BTLA: variants seen among roughly 807,000 people sequenced by gnomAD.
BTLA encodes B- and T-lymphocyte attenuator.
BTLA carries 11 observed loss-of-function variants against 25.0 expected under a neutral mutation model. The observed-to-expected ratio is 0.44, with a 90% CI of 0.28 to 0.73. The LOEUF is 0.73. Among genes scored for constraint, BTLA ranks in the 30% least tolerant of loss-of-function variants. The pLI is 0.15. For missense variants in BTLA, 282 were observed against 332.8 expected (o/e 0.85, Z 1.19); for synonymous variants, 104 against 119.8 (o/e 0.87, Z 0.86).
At chr3:112,496,523 A>G (rs1576695292) in intron 1 of BTLA, among the ~76,000 whole-genome samples, 3 of 152,316 alleles carry the variant, frequency 2.0e-5, no homozygotes, top group African/African-American at 4.8e-5. Context: ...TTCAAAGGCT[A>G]TCTTTAAACA....
chr3:112,490,876 A>G (rs2082376630), intron 1 of BTLA, among the ~76,000 whole-genome samples: 1 of 152,158 alleles, frequency 6.6e-6, no homozygotes, highest in South Asian at 2.1e-4. Context: ...TTACTTTCAT[A>G]TGGTATTAGC....
At chr3:112,477,330 T>C (rs1215665614) in intron 2 of BTLA, among the ~76,000 whole-genome samples, 3 of 148,014 alleles carry the variant, frequency 2.0e-5, no homozygotes, top group African/African-American at 5.0e-5. Flanking sequence ...TTTCTTCACA[T>C]CCTTGCTAAC....
chr3:112,488,869 C>T (rs778612601), intron 1 of BTLA, among the ~76,000 whole-genome samples: 5 of 152,108 alleles, frequency 3.3e-5, no homozygotes, highest in Non-Finnish European at 5.9e-5. Flanking sequence ...GCCTTGGCCT[C>T]CCAAAGTGCT....
At chr3:112,469,226 G>A (rs1052900482) in intron 4 of BTLA, among the ~76,000 whole-genome samples, 1 of 152,020 alleles carries the variant, frequency 6.6e-6, no homozygotes, top group Admixed American at 6.6e-5. Context: ...TCCCTTCCTT[G>A]ATGAGCCCAT....
Position 112,499,284 on chromosome 3 carries a change from G to A in BTLA, c.75C>T (p.Ile25=). 1 of 1,606,316 alleles carries A rather than the reference G, an allele frequency of 6.2e-7. No homozygotes were observed. The highest frequency in any genetic ancestry group is 8.5e-7 in the Non-Finnish European group (1 of 1,173,004). ...WVFFLIPYLD[I]WNIHGKESCD... is the part of the protein sequence containing the mutation. ...CAGGTGCCTTACCATGGATGTTCCA[G>A]ATGTCCAGATATGGGATTAAGAAGA... is the stretch of plus-strand genomic sequence containing the variant. Residue 25 remains isoleucine, a synonymous_variant, in exon 1 of 5, where the codon ATC becomes ATT. Coordinates refer to ENST00000334529, the MANE Select transcript of BTLA (RefSeq NM_181780.4).
intron 1 of BTLA, among the ~76,000 whole-genome samples, chr3:112,480,598 A>G (rs1481187240): frequency 6.6e-6 from 1 of 152,216 alleles, no homozygotes; most frequent in Non-Finnish European, 1.5e-5. Flanking sequence ...GGAGCACACA[A>G]GACAGAGAAA....
At chr3:112,490,363 T>G (rs2082373109) in intron 1 of BTLA, among the ~76,000 whole-genome samples, 1 of 152,178 alleles carries the variant, frequency 6.6e-6, no homozygotes, top group African/African-American at 2.4e-5. Context: ...ATTGTTACTT[T>G]AAGGAAAACC....
chr3:112,468,972 AT>A (rs2082245243), intron 4 of BTLA, among the ~76,000 whole-genome samples: 1 of 152,208 alleles, frequency 6.6e-6, no homozygotes, highest in African/African-American at 2.4e-5. Flanking sequence ...CTACTTCTTT[AT>A]CACTATTCCT....
At position 112,471,307 on chromosome 3, in the gene BTLA, C is replaced by G; in HGVS notation, c.452G>C (p.Arg151Thr). 1 of 1,614,046 alleles carries G rather than the reference C, an allele frequency of 6.2e-7. No homozygotes were observed. The highest frequency in any genetic ancestry group is 1.1e-5 in the South Asian group (1 of 91,072). ...ERPSKDEMAS[R>T]PWLLYRLLPL... ...AAGTAAACGATACAGGAGCCAGGGT[C>G]TGCTTGCCATTTCGTCCTTGGAGGG... is the stretch of plus-strand genomic sequence containing the variant. Residue 151 changes from arginine to threonine, a missense_variant, in exon 3 of 5, where the codon AGA (arginine) becomes ACA (threonine). Around this residue, in one of 2 missense-constraint regions of BTLA, gnomAD observed 163 missense variants for 230.4 expected, o/e 0.71. Coordinates refer to ENST00000334529, the MANE Select transcript of BTLA (RefSeq NM_181780.4).
rs554849624 is a variant in BTLA at position 112,465,463 on chromosome 3, C to G, written c.*645G>C. 6.5e-6 allele frequency: 1 copy of G among 152,750 alleles called. No individual in the cohort carries two copies. Among genetic ancestry groups the G allele is most frequent in the Admixed American group, 6.5e-5 (1 of 15,304 alleles). 9.5% of individuals were successfully genotyped at this position (152,750 alleles called of 1,614,324 possible). A position where few individuals can be genotyped will look rare whatever the true frequency, so the allele number is the denominator to read the frequency against. On this transcript the variant is annotated 3_prime_UTR_variant, in exon 5 of 5. Transcript: ENST00000334529. ...TTAATACCTATATTTGCTTATCAAT[C>G]TAACAGAGTAGATATAAGCATTTGT...
intron 4 of BTLA, among the ~76,000 whole-genome samples, chr3:112,467,364 T>G (rs2082235885): frequency 6.6e-6 from 1 of 152,212 alleles, no homozygotes; most frequent in East Asian, 1.9e-4. Context: ...GTTTTCTCAC[T>G]CTTCAGTTAT....
At chr3:112,491,118 T>C (rs1235296949) in intron 1 of BTLA, among the ~76,000 whole-genome samples, 2 of 152,216 alleles carry the variant, frequency 1.3e-5, no homozygotes, top group East Asian at 3.8e-4. Flanking sequence ...TTAGCAAAGC[T>C]TACAAAGTCC....
chr3:112,464,118 A>G lies in BTLA; in HGVS notation c.*1990T>C. 2 of 398,060 alleles carry G rather than the reference A, an allele frequency of 5.0e-6. No homozygotes were observed. Among genetic ancestry groups the G allele is most frequent in the Non-Finnish European group, 8.9e-6 (2 of 225,726 alleles). 24.7% of individuals were successfully genotyped at this position (398,060 alleles called of 1,614,324 possible). The stretch of plus-strand genomic sequence containing the variant: ...AGCCATGTAAATAATAGTGAAGTAG[A>G]GTCATTTGGGAAAATGCATGTATGT... On this transcript the variant is annotated 3_prime_UTR_variant, in exon 5 of 5. Coordinates refer to ENST00000334529, the MANE Select transcript of BTLA (RefSeq NM_181780.4).
chr3:112,481,298 G>A (rs2082316741), intron 1 of BTLA, among the ~76,000 whole-genome samples: 1 of 152,158 alleles, frequency 6.6e-6, no homozygotes, highest in Non-Finnish European at 1.5e-5. Flanking sequence ...ACTCTTCCTG[G>A]GCCCTCAGGC....
intron 1 of BTLA, among the ~76,000 whole-genome samples, chr3:112,492,461 CA>C (rs1249096574): frequency 6.6e-6 from 1 of 152,214 alleles, no homozygotes; most frequent in Non-Finnish European, 1.5e-5. Flanking sequence ...GGCATTTGAT[CA>C]GAAACCAACA....
intron 1 of BTLA, among the ~76,000 whole-genome samples, chr3:112,490,101 A>G (rs1159018552): frequency 1.3e-5 from 2 of 152,190 alleles, no homozygotes; most frequent in African/African-American, 2.4e-5. Flanking sequence ...ATCATAAACT[A>G]GCTCACATAC....
chr3:112,492,015 G>GA (rs1387365015), intron 1 of BTLA, among the ~76,000 whole-genome samples: 15 of 152,134 alleles, frequency 9.9e-5, no homozygotes, highest in African/African-American at 3.6e-4. Context: ...CTAGAATATT[G>GA]AAAAAAACTT....
intron 2 of BTLA, among the ~76,000 whole-genome samples, chr3:112,473,623 T>TC (rs529685170): frequency 0.04 from 5,852 of 144,888 alleles, 173 homozygotes; most frequent in Non-Finnish European, 0.06. Flanking sequence ...TTTTTTTTTT[T>TC]TTTTTTTTTG....
chr3:112,494,327 A>G, intron 1 of BTLA, among the ~76,000 whole-genome samples: 1 of 152,174 alleles, frequency 6.6e-6, no homozygotes, highest in Non-Finnish European at 1.5e-5. Flanking sequence ...AATTAGTTCA[A>G]CCATTGTGGA....
Sources: allele counts gnomAD v4.1 joint callset (sites outside exome capture counted in the v4.1 genomes callset), GRCh38; gene constraint gnomAD v4.1.1; regional missense constraint gnomAD v4.1.1; transcripts MANE v1.5; gene names NCBI Gene and HGNC (gene_info 2026-07-23, HGNC 2026-07-21).